The following CDH12 variants were observed in gnomAD, a reference collection of about 807,000 sequenced individuals.
CDH12 encodes cadherin-12.
CDH12 carries 41 observed loss-of-function variants against 74.1 expected under a neutral mutation model. The ratio of observed to expected loss-of-function variants is 0.55; its 90% CI spans 0.43 to 0.72. The LOEUF (loss-of-function observed/expected upper bound fraction) is 0.72, where lower values mean the gene tolerates loss of function less well. CDH12 is among the 30% of genes least tolerant of loss of function. The pLI is 0.00. For missense variants in CDH12, 945 were observed against 977.2 expected (o/e 0.97, Z 0.44); for synonymous variants, 399 against 355.0 (o/e 1.12, Z -1.39).
intron 1 of CDH12, among the ~76,000 whole-genome samples, chr5:22,786,504 G>A (rs943593305): frequency 1.3e-5 from 2 of 152,058 alleles, no homozygotes; most frequent in African/African-American, 4.8e-5. Flanking sequence ...AGTTGTGGCT[G>A]GTTTTTGCTT....
chr5:21,880,463 CTTCT>C (rs1407859777), intron 6 of CDH12, among the ~76,000 whole-genome samples: 30 of 124,806 alleles, frequency 2.4e-4, no homozygotes, highest in East Asian at 5.0e-4. Context: ...TCCTTCCTTC[CTTCT>C]TTCCTTCCTT....
chr5:22,820,284 C>T (rs184364119), intron 1 of CDH12, among the ~76,000 whole-genome samples: 17 of 151,804 alleles, frequency 1.1e-4, no homozygotes, highest in Non-Finnish European at 5.9e-5. Flanking sequence ...TAAACAACAC[C>T]GATATGGTTT....
intron 3 of CDH12, among the ~76,000 whole-genome samples, chr5:22,277,310 G>C (rs1422581907): frequency 6.6e-6 from 1 of 152,172 alleles, no homozygotes; most frequent in African/African-American, 2.4e-5. Flanking sequence ...TGTCTCTGCT[G>C]TCACCAACCA....
At position 22,835,986 on chromosome 5, in the gene CDH12, C is replaced by T. The variant is rs1321948995; in HGVS notation, c.-523+17072G>A. 2.0e-5 allele frequency among the ~76,000 whole-genome samples: 3 copies of T among 152,166 alleles called. No homozygotes were observed. The East Asian group carries it at 5.8e-4, about 29-fold the overall frequency. Reference sequence around the variant, plus strand: ...TTGGAAACTGCAATCTTCCTTTGTTCCCAGAGAGAGAGCAGCTGAGCTATT... The same window carrying T: ...TTGGAAACTGCAATCTTCCTTTGTTTCCAGAGAGAGAGCAGCTGAGCTATT... On this transcript the variant is annotated intron_variant, in intron 1 of 14. Coordinates refer to ENST00000382254, the MANE Select transcript of CDH12 (RefSeq NM_004061.5).
At chr5:22,080,769 T>G (rs1742669721) in intron 4 of CDH12, among the ~76,000 whole-genome samples, 1 of 151,336 alleles carries the variant, frequency 6.6e-6, no homozygotes, top group Admixed American at 6.6e-5. Flanking sequence ...TAATTTTGCT[T>G]CTTTCTTTCT....
At chr5:22,372,462 G>A (rs761266629) in intron 3 of CDH12, among the ~76,000 whole-genome samples, 4 of 152,114 alleles carry the variant, frequency 2.6e-5, no homozygotes, top group Admixed American at 6.5e-5. Flanking sequence ...TGGGCCTCAA[G>A]ACAGAGAACT....
At chr5:22,333,537 T>C (rs570799155) in intron 3 of CDH12, among the ~76,000 whole-genome samples, 1 of 152,232 alleles carries the variant, frequency 6.6e-6, no homozygotes, top group South Asian at 2.1e-4. Flanking sequence ...GCTTCACTGC[T>C]AAATTCTACC....
At chr5:22,799,887 T>TA (rs1489084585) in intron 1 of CDH12, among the ~76,000 whole-genome samples, 1 of 152,172 alleles carries the variant, frequency 6.6e-6, no homozygotes, top group Non-Finnish European at 1.5e-5. Flanking sequence ...GGAAAATTAG[T>TA]AAAAATTATA....
rs1304411959 is a variant in CDH12, at chr5:21,751,100, T to A, written c.*637A>T. On this transcript the variant is annotated 3_prime_UTR_variant, in exon 15 of 15. Coordinates refer to ENST00000382254, the MANE Select transcript of CDH12 (RefSeq NM_004061.5). ...TATTTATTTCAATTTTCTGAAAGGA[T>A]AGGATAAACAAATACGTTTTAGCAT... The A allele has an allele frequency of 6.6e-6, 1 of 152,570 alleles. No homozygotes were observed. Among genetic ancestry groups the A allele is most frequent in the Non-Finnish European group, 1.5e-5 (1 of 68,034 alleles). The allele number at this position is 152,570 out of a possible 1,614,324, so 9.5% of individuals were successfully genotyped here. A position where few individuals can be genotyped will look rare whatever the true frequency, so the allele number is the denominator to read the frequency against.
intron 1 of CDH12, among the ~76,000 whole-genome samples, chr5:22,794,285 C>T (rs978895607): frequency 1.3e-5 from 2 of 152,162 alleles, no homozygotes; most frequent in Non-Finnish European, 2.9e-5. Flanking sequence ...AGGTGGATGA[C>T]CAGTTTTGTT....
intron 4 of CDH12, among the ~76,000 whole-genome samples, chr5:22,098,680 C>T (rs1246372830): frequency 2.6e-5 from 4 of 152,130 alleles, no homozygotes; most frequent in African/African-American, 7.2e-5. Context: ...TGTTCCTGGC[C>T]CGGACTTCAA....
At chr5:21,834,922 G>A (rs905726044) in intron 8 of CDH12, among the ~76,000 whole-genome samples, 1 of 151,866 alleles carries the variant, frequency 6.6e-6, no homozygotes, top group Non-Finnish European at 1.5e-5. Context: ...CTTGGTATTT[G>A]CTTTCACAGT....
chr5:21,950,209 C>A (rs182439253), intron 6 of CDH12, among the ~76,000 whole-genome samples: 2 of 152,222 alleles, frequency 1.3e-5, no homozygotes, highest in Admixed American at 6.5e-5. Flanking sequence ...TACCACATAA[C>A]CTAGGGTGTG....
Position 22,416,412 on chromosome 5 carries a change from A to G in CDH12, c.-427-11061T>C, listed in dbSNP as rs576001537. 5.3e-5 allele frequency among the ~76,000 whole-genome samples: 8 copies of G among 152,216 alleles called. No homozygotes were observed. The South Asian group carries it at 6.2e-4, about 12-fold the overall frequency. On this transcript the variant is annotated intron_variant, in intron 2 of 14. Coordinates refer to ENST00000382254, the MANE Select transcript of CDH12 (RefSeq NM_004061.5). ...TAAGGTGATTTTTCTGGAATATGAT[A>G]AAAAGTGCCAGTGGACATCTATATA...
At chr5:22,343,565 C>T (rs1379079288) in intron 3 of CDH12, among the ~76,000 whole-genome samples, 1 of 151,962 alleles carries the variant, frequency 6.6e-6, no homozygotes, top group African/African-American at 2.4e-5. Flanking sequence ...CTACAGGCTC[C>T]CGCCACCACG....
chr5:22,559,642 A>G (rs779791695), intron 1 of CDH12, among the ~76,000 whole-genome samples: 4 of 152,036 alleles, frequency 2.6e-5, no homozygotes, highest in Non-Finnish European at 5.9e-5. Context: ...ACAAGGATCA[A>G]TTTTCATGTT....
intron 1 of CDH12, among the ~76,000 whole-genome samples, chr5:22,645,505 C>G (rs933396593): frequency 1.3e-5 from 2 of 151,978 alleles, no homozygotes; most frequent in Admixed American, 1.3e-4. Context: ...AAGGAATCTA[C>G]TTCTGGTAAA....
In CDH12 at chr5:22,810,663, T is replaced by A. The variant is rs565244478; in HGVS notation, c.-523+42395A>T. On this transcript the variant is annotated intron_variant, in intron 1 of 14. Transcript: ENST00000382254. ...AGGCTGAGGGGGAAGAATCGCTTGA[T>A]GTCAGAAGTTAGAAACAAGTCTGGT... Among the ~76,000 whole-genome samples, 31 of 152,202 alleles carry A rather than the reference T, an allele frequency of 2.0e-4. No individual in the cohort carries two copies. The South Asian group carries it at 5.6e-3, about 27-fold the overall frequency.
At chr5:22,712,456 A>G (rs1173270344) in intron 1 of CDH12, among the ~76,000 whole-genome samples, 1 of 148,362 alleles carries the variant, frequency 6.7e-6, no homozygotes, top group Non-Finnish European at 1.5e-5. Context: ...ACTCTAATCA[A>G]TAGAGGCCTT....
Sources: allele counts gnomAD v4.1 joint callset (sites outside exome capture counted in the v4.1 genomes callset), GRCh38; gene constraint gnomAD v4.1.1; transcripts MANE v1.5; gene names NCBI Gene and HGNC (gene_info 2026-07-23, HGNC 2026-07-21).